The following USP13 variants were observed in gnomAD, a reference collection of about 807,000 sequenced individuals.
USP13 encodes the protein ubiquitin carboxyl-terminal hydrolase 13.
USP13 carries 68 observed loss-of-function variants against 107.8 expected under a neutral mutation model. That is an observed-to-expected ratio of 0.63 (90% CI 0.52 to 0.77). The LOEUF (loss-of-function observed/expected upper bound fraction) is 0.77, where lower values mean the gene tolerates loss of function less well. Ranked by LOEUF, USP13 falls within the 30% of genes least tolerant of loss-of-function variation. The pLI, the probability that USP13 is intolerant of heterozygous loss-of-function variation, is 0.00. For missense variants in USP13, 945 were observed against 1,093.3 expected, an observed-to-expected ratio of 0.86 and a Z score of 1.91; for synonymous variants, 377 against 389.5, an observed-to-expected ratio of 0.97 and a Z score of 0.38.
intron 13 of USP13, among the ~76,000 whole-genome samples, chr3:179,748,922 T>C (rs774301138): frequency 2.0e-5 from 3 of 152,106 alleles, no homozygotes; most frequent in Admixed American, 6.6e-5. Flanking sequence ...CTTTACAGGG[T>C]TGGGGTAAGG....
chr3:179,662,595 G>T (rs903928488), intron 1 of USP13, among the ~76,000 whole-genome samples: 1 of 152,164 alleles, frequency 6.6e-6, no homozygotes, highest in African/African-American at 2.4e-5. Flanking sequence ...TTTCAGAAAG[G>T]AGTGAAATGG....
intron 20 of USP13, 37 bp from the exon 21 acceptor site, chr3:179,784,011 G>A: frequency 6.4e-7 from 1 of 1,560,078 alleles, no homozygotes; most frequent in Admixed American, 1.8e-5. Context: ...TCCTGGAACT[G>A]ACTTAAATCC....
intron 1 of USP13, among the ~76,000 whole-genome samples, chr3:179,675,984 C>T (rs1380287986): frequency 2.0e-5 from 3 of 152,332 alleles, no homozygotes; most frequent in African/African-American, 4.8e-5. Flanking sequence ...ATAATCCCCA[C>T]ATGTCGTAGG....
intron 11 of USP13, among the ~76,000 whole-genome samples, chr3:179,741,354 G>A (rs1419888285): frequency 6.6e-6 from 1 of 152,124 alleles, no homozygotes; most frequent in Non-Finnish European, 1.5e-5. Context: ...TTAGAACTAG[G>A]CTGCAGTGGT....
chr3:179,765,754 C>T lies in USP13; in HGVS notation c.2319C>T (p.Asp773=), dbSNP rs1311995652. 4 of 1,614,002 alleles carry T rather than the reference C, an allele frequency of 2.5e-6. No individual in the cohort carries two copies. The highest frequency in any genetic ancestry group is 3.4e-6 in the Non-Finnish European group (4 of 1,180,020). ...TTAGCCACCCTGAGTTTGAAGAAGA[C>T]AGTGATTTTGTGATTGAGATGGAGA... is the stretch of plus-strand genomic sequence containing the variant. The part of the protein sequence containing the change: ...WIFSHPEFEE[D]SDFVIEMENN... Residue 773 remains aspartate (D), a synonymous_variant, in exon 19 of 21, where the codon GAC becomes GAT. Coordinates refer to ENST00000263966, the MANE Select transcript of USP13 (RefSeq NM_003940.3).
chr3:179,706,778 G>A (rs1327889328), intron 4 of USP13, among the ~76,000 whole-genome samples, 156 bp from the exon 5 acceptor site: 1 of 152,156 alleles, frequency 6.6e-6, no homozygotes, highest in East Asian at 1.9e-4. Context: ...CTTGATCCAG[G>A]GAAAGTGCAG....
intron 1 of USP13, among the ~76,000 whole-genome samples, chr3:179,681,540 G>A (rs1272562003): frequency 6.6e-6 from 1 of 152,130 alleles, no homozygotes; most frequent in Non-Finnish European, 1.5e-5. Flanking sequence ...GCCATCCACC[G>A]AGCGCGTCCT....
intron 13 of USP13, among the ~76,000 whole-genome samples, chr3:179,750,328 A>ATG (rs775541812): frequency 9.1e-6 from 1 of 110,036 alleles, no homozygotes; most frequent in African/African-American, 3.7e-5. Context: ...ATATGTGTGT[A>ATG]TATATATATA....
At chr3:179,709,789 GTC>G (rs762673623) in intron 6 of USP13, among the ~76,000 whole-genome samples, 2 of 152,166 alleles carry the variant, frequency 1.3e-5, no homozygotes, top group South Asian at 2.1e-4. Flanking sequence ...GCTTTATTTA[GTC>G]TCTGTTTCTT....
intron 8 of USP13, among the ~76,000 whole-genome samples, chr3:179,724,310 T>C (rs1713435191): frequency 1.3e-5 from 2 of 151,104 alleles, no homozygotes; most frequent in African/African-American, 4.9e-5. Context: ...ATACACAAAT[T>C]AGCCGGGCAT....
intron 14 of USP13, among the ~76,000 whole-genome samples, chr3:179,752,705 G>T (rs1172705114): frequency 6.6e-6 from 1 of 152,228 alleles, no homozygotes; most frequent in Non-Finnish European, 1.5e-5. Context: ...AGATTGGGCA[G>T]GTCTGGAGTG....
intron 8 of USP13, among the ~76,000 whole-genome samples, chr3:179,724,016 C>T (rs1026537502): frequency 3.3e-5 from 5 of 151,618 alleles, no homozygotes; most frequent in African/African-American, 7.3e-5. Flanking sequence ...AAAAAATAGC[C>T]GGGCGTGGTG....
At chr3:179,783,967 G>A (rs770682678) in intron 20 of USP13, 81 bp from the exon 21 acceptor site, 224 of 1,084,192 alleles carry the variant, frequency 2.1e-4, no homozygotes, top group Non-Finnish European at 2.9e-4. Context: ...AGTGTTGTGC[G>A]CCATATGATT....
intron 19 of USP13, among the ~76,000 whole-genome samples, chr3:179,766,325 CCCGGTGATCTGATA>C (rs1280150610): frequency 2.0e-5 from 3 of 152,014 alleles, no homozygotes; most frequent in African/African-American, 7.3e-5. Flanking sequence ...TTGCATAGGC[CCCGGTGATCTGATA>C]AAGTCATGTC....
intron 2 of USP13, among the ~76,000 whole-genome samples, 177 bp from the exon 3 acceptor site, chr3:179,690,064 C>T (rs1440698794): frequency 1.3e-5 from 2 of 152,134 alleles, no homozygotes; most frequent in South Asian, 4.1e-4. Context: ...TAGCATTGCC[C>T]TTCACCTACC....
chr3:179,778,791 G>A (rs1715639173), intron 19 of USP13, among the ~76,000 whole-genome samples: 1 of 151,834 alleles, frequency 6.6e-6, no homozygotes, highest in Admixed American at 6.6e-5. Context: ...AAACGAATGC[G>A]ACATGGCAGG....
intron 19 of USP13, among the ~76,000 whole-genome samples, chr3:179,773,086 T>A (rs1463253975): frequency 6.6e-6 from 1 of 152,186 alleles, no homozygotes; most frequent in East Asian, 1.9e-4. Context: ...CATGTTGATA[T>A]GCAAACTGCA....
chr3:179,653,400 G>T lies in USP13; in HGVS notation c.168+7G>T. On this transcript the variant is annotated splice_region_variant and intron_variant, in intron 1 of 20. Transcript: ENST00000263966. This position sits in a 1 kb window ranked among gnomAD's most constrained non-coding sequence, Gnocchi z 4.0. ...CTTCTCCTACGACTCTCCCGTAAGT[G>T]AGGCGCCTCGGGGGAGGGTCGCGGG... is the stretch of plus-strand genomic sequence containing the variant. 6.4e-7 allele frequency: 1 copy of T among 1,552,692 alleles called. No individual in the cohort carries two copies. The highest frequency in any genetic ancestry group is 8.7e-7 in the Non-Finnish European group (1 of 1,147,720).
chr3:179,779,586 C>G (rs1004106612), intron 19 of USP13, among the ~76,000 whole-genome samples: 1 of 151,820 alleles, frequency 6.6e-6, no homozygotes, highest in Non-Finnish European at 1.5e-5. Flanking sequence ...GCAGCTGCGC[C>G]CTCACACGTT....
Sources: gnomAD v4.1 joint callset for allele counts (sites outside exome capture counted in the v4.1 genomes callset) on GRCh38, gnomAD v4.1.1 for gene constraint, Gnocchi (gnomAD v3.1) non-coding constraint, MANE v1.5 for transcripts, NCBI Gene and HGNC (gene_info 2026-07-23, HGNC 2026-07-21) for gene names.